PI15: variants seen among roughly 807,000 people sequenced by gnomAD.
PI15 encodes 25 kDa trypsin inhibitor.
PI15 carries 18 observed loss-of-function variants against 31.0 expected under a neutral mutation model. The ratio of observed to expected loss-of-function variants is 0.58; its 90% CI spans 0.40 to 0.86. The LOEUF is 0.86. Among genes scored for constraint, PI15 ranks in the 40% least tolerant of loss-of-function variants. The pLI, the probability that PI15 is intolerant of heterozygous loss-of-function variation, is 0.00. For synonymous variants in PI15, 118 were observed against 119.1 expected, an observed-to-expected ratio of 0.99 and a Z score of 0.06; for missense variants, 282 against 328.1, an observed-to-expected ratio of 0.86 and a Z score of 1.09.
intron 3 of PI15, 72 bp downstream of exon 3, chr8:74,844,171 A>C: frequency 1.3e-6 from 1 of 784,820 alleles, no homozygotes; most frequent in Non-Finnish European, 2.3e-6. Flanking sequence ...AGGGAATTTC[A>C]TCAATTTCAA....
chr8:74,825,549 T>C, intron 2 of PI15, 27 bp downstream of exon 2: 2 of 1,539,504 alleles, frequency 1.3e-6, no homozygotes, highest in Non-Finnish European at 1.8e-6. Context: ...TTTTTTTTTT[T>C]AAGTTCTGAG....
chr8:74,845,745 T>C (rs894346838), intron 5 of PI15: 1 of 455,190 alleles, frequency 2.2e-6, no homozygotes, highest in South Asian at 3.0e-5. Context: ...AAATTCTCCT[T>C]ACCATATGTT....
chr8:74,830,763 GA>G (rs1810770417), intron 2 of PI15, among the ~76,000 whole-genome samples: 1 of 152,010 alleles, frequency 6.6e-6, no homozygotes, highest in African/African-American at 2.4e-5. Flanking sequence ...TCTCATTTGG[GA>G]AGGATAACTC....
chr8:74,829,803 A>G (rs73689270), intron 2 of PI15, among the ~76,000 whole-genome samples: 2,245 of 152,238 alleles, frequency 0.015, 54 homozygotes, highest in African/African-American at 0.051. Context: ...AGATCATGAA[A>G]GGCTCCTTGG....
rs1811078378 is a variant in PI15 at position 74,849,727 on chromosome 8, T to C, written c.*474T>C. 1 of 152,322 alleles carries C rather than the reference T, an allele frequency of 6.6e-6. No homozygotes were observed. The highest frequency in any genetic ancestry group is 1.5e-5 in the Non-Finnish European group (1 of 68,112). The allele number at this position is 152,322 out of a possible 1,614,324, so 9.4% of individuals were successfully genotyped here. ...AAATTTTTAAAAAACTATTCTCAAT[T>C]ATATACGAGGTGATGGGACTTCTTA... On this transcript the variant is annotated 3_prime_UTR_variant, in exon 6 of 6. Transcript: ENST00000260113.
chr8:74,831,056 G>C (rs1055281259), intron 2 of PI15, among the ~76,000 whole-genome samples: 2 of 152,128 alleles, frequency 1.3e-5, no homozygotes, highest in East Asian at 3.9e-4. Flanking sequence ...ACTTTGATAC[G>C]CCTGAAGAAG....
intron 2 of PI15, among the ~76,000 whole-genome samples, chr8:74,838,830 G>T (rs1012695304): frequency 5.9e-5 from 9 of 152,140 alleles, no homozygotes; most frequent in Non-Finnish European, 1.3e-4. Flanking sequence ...CATTTCTTAT[G>T]GCGTTTCTTA....
chr8:74,844,660 T>A (rs1431616629), intron 3 of PI15, among the ~76,000 whole-genome samples: 1 of 152,044 alleles, frequency 6.6e-6, no homozygotes, highest in Non-Finnish European at 1.5e-5. Flanking sequence ...TATCCAACAC[T>A]CCAAATACCC....
At chr8:74,846,915 A>G (rs1035523988) in intron 5 of PI15, among the ~76,000 whole-genome samples, 1 of 152,184 alleles carries the variant, frequency 6.6e-6, no homozygotes. Context: ...GTATAAGTGT[A>G]TAAATTGGCT....
At chr8:74,827,569 A>C (rs536963432) in intron 2 of PI15, among the ~76,000 whole-genome samples, 17 of 152,286 alleles carry the variant, frequency 1.1e-4, no homozygotes, top group African/African-American at 4.1e-4. Flanking sequence ...CACAGATGTC[A>C]ACGAGTAGGC....
chr8:74,844,907 A>C, intron 3 of PI15: 1 of 524,352 alleles, frequency 1.9e-6, no homozygotes, highest in African/African-American at 1.9e-5. Context: ...ATGTTTAGAC[A>C]AATACAGAAT....
intron 3 of PI15, 84 bp from the exon 4 acceptor site, chr8:74,845,044 A>T (rs931855855): frequency 2.2e-5 from 26 of 1,176,518 alleles, no homozygotes; most frequent in Non-Finnish European, 2.9e-5. Context: ...ATCTGCAAAA[A>T]GAACAATCAA....
chr8:74,849,168 C>T lies in PI15; in HGVS notation c.692C>T (p.Ser231Phe). Residue 231 changes from serine to phenylalanine, a missense_variant, in exon 6 of 6, where the codon TCT (serine) becomes TTT (phenylalanine). Coordinates refer to ENST00000260113, the MANE Select transcript of PI15 (RefSeq NM_015886.5). ...APYKVGVPCS[S>F]CPPSYGGSCT... ...TATAAAGTAGGGGTACCATGTTCAT[C>T]TTGTCCTCCAAGTTATGGGGGATCT... The T allele has an allele frequency of 6.2e-7, 1 of 1,612,336 alleles. No individual in the cohort carries two copies. The highest frequency in any genetic ancestry group is 8.5e-7 in the Non-Finnish European group (1 of 1,178,526).
intron 2 of PI15, among the ~76,000 whole-genome samples, chr8:74,833,160 T>A (rs2128764101): frequency 6.6e-6 from 1 of 152,208 alleles, no homozygotes; most frequent in South Asian, 2.1e-4. Flanking sequence ...ACCATTGAGT[T>A]GGTGAAAACA....
intron 5 of PI15, 105 bp from the exon 6 acceptor site, chr8:74,849,013 C>T (rs1000198713): frequency 1.9e-5 from 17 of 896,272 alleles, no homozygotes; most frequent in South Asian, 1.4e-4. Flanking sequence ...ACTTCTCAAA[C>T]GGATCATCAC....
Position 74,852,321 on chromosome 8 carries a change from T to C in PI15, c.*3068T>C, listed in dbSNP as rs1811119436. On this transcript the variant is annotated 3_prime_UTR_variant, in exon 6 of 6. Coordinates refer to ENST00000260113, the MANE Select transcript of PI15 (RefSeq NM_015886.5). Reference sequence around the variant, plus strand: ...ATATCATCAAAAGACTGAAAAATTATAATTTTAGAATTAAACTGATGGATT... The same window carrying C: ...ATATCATCAAAAGACTGAAAAATTACAATTTTAGAATTAAACTGATGGATT... 6.6e-6 allele frequency: 1 copy of C among 152,156 alleles called. No homozygotes were observed. The highest frequency in any genetic ancestry group is 2.4e-5 in the African/African-American group (1 of 41,464). The allele number at this position is 152,156 out of a possible 1,614,324, so 9.4% of individuals were successfully genotyped here. A position where few individuals can be genotyped will look rare whatever the true frequency, so the allele number is the denominator to read the frequency against.
At chr8:74,833,992 C>T (rs760472499) in intron 2 of PI15, among the ~76,000 whole-genome samples, 2 of 152,140 alleles carry the variant, frequency 1.3e-5, no homozygotes, top group Non-Finnish European at 2.9e-5. Context: ...AGTGTGAACC[C>T]TACTGTGAAC....
chr8:74,825,611 T>A, intron 2 of PI15, 89 bp downstream of exon 2: 1 of 1,071,972 alleles, frequency 9.3e-7, no homozygotes, highest in Non-Finnish European at 1.3e-6. Flanking sequence ...CCACGAGTGT[T>A]TATATGTCCG....
Position 74,843,971 on chromosome 8 carries a change from T to C in PI15, c.274-10T>C. 7.4e-7 allele frequency: 1 copy of C among 1,356,704 alleles called. No homozygotes were observed. The highest frequency in any genetic ancestry group is 1.4e-5 in the African/African-American group (1 of 70,066). The allele number at this position is 1,356,704 out of a possible 1,614,324, so 84.0% of individuals were successfully genotyped here. ...AATTCCGTAACGCTGAAGATTTTTTTCCCCTACAGGTTTGGGATGAAAATC... is the reference window on the plus strand; with the variant it reads ...AATTCCGTAACGCTGAAGATTTTTTCCCCCTACAGGTTTGGGATGAAAATC... On this transcript the variant is annotated splice_polypyrimidine_tract_variant and intron_variant, in intron 2 of 5. Coordinates refer to ENST00000260113, the MANE Select transcript of PI15 (RefSeq NM_015886.5).
Sources: gnomAD v4.1 joint callset for allele counts (sites outside exome capture counted in the v4.1 genomes callset) on GRCh38, gnomAD v4.1.1 for gene constraint, MANE v1.5 for transcripts, NCBI Gene and HGNC (gene_info 2026-07-23, HGNC 2026-07-21) for gene names.